PACRGL: variants seen among roughly 807,000 people sequenced by gnomAD.
PACRGL encodes parkin coregulated like, also known as PACRG-like protein.
A neutral mutation model predicts 34.5 loss-of-function variants in PACRGL; 38 were observed. That is an observed-to-expected ratio of 1.10 (90% CI 0.85 to 1.44). PACRGL has a LOEUF of 1.44. PACRGL is among the 40% of genes most tolerant of loss of function. PACRGL has a pLI of 0.00. For missense variants in PACRGL, 305 were observed against 281.4 expected, an observed-to-expected ratio of 1.08 and a Z score of -0.60; for synonymous variants, 128 against 100.1, an observed-to-expected ratio of 1.28 and a Z score of -1.66.
intron 3 of PACRGL, 99 bp downstream of exon 3, chr4:20,704,913 A>T: frequency 7.4e-7 from 1 of 1,351,942 alleles, no homozygotes; most frequent in South Asian, 1.3e-5. Flanking sequence ...TCCCTTTGCT[A>T]GTTTTGAGCT....
At chr4:20,742,656 A>C (rs967716114) in intron 8 of PACRGL, among the ~76,000 whole-genome samples, 2 of 152,190 alleles carry the variant, frequency 1.3e-5, no homozygotes, top group Non-Finnish European at 2.9e-5. Flanking sequence ...AACTGGCACA[A>C]GACAGGGATG....
the PACRGL span, chr4:20,767,132 G>A: frequency 6.6e-6 from 1 of 152,178 alleles, no homozygotes; most frequent in Non-Finnish European, 1.5e-5. Context: ...TAACATCAAT[G>A]CCGATAGACC....
chr4:20,755,153 A>T (rs1754280783), downstream of PACRGL, among the ~76,000 whole-genome samples: 1 of 152,154 alleles, frequency 6.6e-6, no homozygotes, highest in Non-Finnish European at 1.5e-5. Flanking sequence ...ATGGGGTGGG[A>T]GAGTTGTCAT....
At chr4:20,711,150 T>A (rs1736984656) in intron 5 of PACRGL, among the ~76,000 whole-genome samples, 1 of 151,902 alleles carries the variant, frequency 6.6e-6, no homozygotes, top group South Asian at 2.1e-4. Flanking sequence ...TTAAACCAGG[T>A]AGCAAACCAT....
intron 8 of PACRGL, among the ~76,000 whole-genome samples, chr4:20,741,023 T>C (rs1038683934): frequency 1.1e-4 from 16 of 152,310 alleles, no homozygotes; most frequent in Admixed American, 5.2e-4. Flanking sequence ...AAGAGCTAAC[T>C]ATCCTAAATA....
At chr4:20,753,929 CATT>C (rs1754072778), downstream of PACRGL, among the ~76,000 whole-genome samples, 2 of 152,066 alleles carry the variant, frequency 1.3e-5, no homozygotes, top group African/African-American at 2.4e-5. Context: ...TTCATTCATT[CATT>C]CATTCAACAA....
chr4:20,744,497 C>T (rs2149318120), intron 8 of PACRGL, among the ~76,000 whole-genome samples: 1 of 152,140 alleles, frequency 6.6e-6, no homozygotes. Flanking sequence ...AACCATCACT[C>T]TCAGCAAACT....
downstream of PACRGL, among the ~76,000 whole-genome samples, chr4:20,734,931 C>G (rs1208153564): frequency 9.9e-5 from 15 of 152,012 alleles, no homozygotes; most frequent in Non-Finnish European, 2.2e-4. Flanking sequence ...TTTTCATATT[C>G]TAATTGGAAA....
At chr4:20,760,676 G>T in the PACRGL span, among the ~76,000 whole-genome samples, 1 of 152,152 alleles carries the variant, frequency 6.6e-6, no homozygotes, top group Non-Finnish European at 1.5e-5. Flanking sequence ...GAGGTGCTGA[G>T]TGGCAAAGCA....
At chr4:20,704,406 T>A in intron 1 of PACRGL, 60 bp from the exon 2 acceptor site, 1 of 1,499,106 alleles carries the variant, frequency 6.7e-7, no homozygotes, top group Non-Finnish European at 9.2e-7. Flanking sequence ...GTCTTTTTAT[T>A]GATAACAAAT....
chr4:20,732,637 T>C, downstream of PACRGL: 2 of 1,281,908 alleles, frequency 1.6e-6, no homozygotes, highest in Middle Eastern at 3.7e-4. Flanking sequence ...TCAGGAAATT[T>C]TCTCCTAACT....
chr4:20,729,474 A>AT lies in PACRGL; in HGVS notation c.*2138dup, dbSNP rs1747256444. 8.4e-6 allele frequency: 1 copy of AT among 118,420 alleles called. No homozygotes were observed. The highest frequency in any genetic ancestry group is 2.0e-4 in the East Asian group (1 of 5,030). The allele number at this position is 118,420 out of a possible 1,614,324, so 7.3% of individuals were successfully genotyped here. A position where few individuals can be genotyped will look rare whatever the true frequency, so the allele number is the denominator to read the frequency against. On this transcript the variant is annotated 3_prime_UTR_variant, in exon 9 of 9. Coordinates refer to ENST00000503585, the MANE Select transcript of PACRGL (RefSeq NM_001258345.3). ...TATGCTGATATCTGATAATAAACTA[A>AT]TTTTTAAATGTTTAATAATTTTTAA... is the stretch of plus-strand genomic sequence containing the variant.
chr4:20,739,139 T>C (rs1477568022), intron 8 of PACRGL, among the ~76,000 whole-genome samples: 7 of 152,210 alleles, frequency 4.6e-5, no homozygotes, highest in Admixed American at 6.5e-5. Context: ...CCTGCCTCTG[T>C]AGATGCCACC....
Position 20,731,830 on chromosome 4 carries a change from T to C in PACRGL, c.*4489T>C, listed in dbSNP as rs1748317167. The C allele has an allele frequency of 1.0e-6, 1 of 985,298 alleles. No individual in the cohort carries two copies. Among genetic ancestry groups the C allele is most frequent in the Non-Finnish European group, 1.2e-6 (1 of 829,934 alleles). The allele number at this position is 985,298 out of a possible 1,614,324, so 61.0% of individuals were successfully genotyped here. ...CTGACTCAGTGGGCACTCTAAATGT[T>C]GATTATGTAATTGGTGCTTGTTTTC... On this transcript the variant is annotated 3_prime_UTR_variant, in exon 9 of 9. Coordinates refer to ENST00000503585, the MANE Select transcript of PACRGL (RefSeq NM_001258345.3).
At chr4:20,705,223 A>C (rs1332477160) in intron 3 of PACRGL, among the ~76,000 whole-genome samples, 1 of 152,198 alleles carries the variant, frequency 6.6e-6, no homozygotes, top group Non-Finnish European at 1.5e-5. Flanking sequence ...TCCTAGTTGT[A>C]GTACTAACCT....
chr4:20,699,612 C>A (rs1166035819), upstream of PACRGL, among the ~76,000 whole-genome samples: 1 of 152,166 alleles, frequency 6.6e-6, no homozygotes, highest in Non-Finnish European at 1.5e-5. Context: ...GATTACACAG[C>A]CTCGAGTGCT....
chr4:20,750,250 A>G (rs1269531343), intron 8 of PACRGL, among the ~76,000 whole-genome samples: 2 of 152,202 alleles, frequency 1.3e-5, no homozygotes, highest in African/African-American at 4.8e-5. Context: ...GAAGGAGTAA[A>G]TCTGGGACAT....
intron 7 of PACRGL, among the ~76,000 whole-genome samples, chr4:20,722,301 G>T (rs1201804271): frequency 1.3e-5 from 2 of 152,178 alleles, no homozygotes; most frequent in African/African-American, 4.8e-5. Flanking sequence ...GCCCTGCTTC[G>T]GCTCACACTT....
chr4:20,729,891 T>G lies in PACRGL; in HGVS notation c.*2550T>G. ...GACCATCCCCTGAACTCAGTGGCAT[T>G]ATGAAAAGGATGCAAATTTATAACT... On this transcript the variant is annotated 3_prime_UTR_variant, in exon 9 of 9. Transcript: ENST00000503585. The G allele has an allele frequency of 1.9e-6, 1 of 528,666 alleles. No individual in the cohort carries two copies. Among genetic ancestry groups the G allele is most frequent in the Non-Finnish European group, 3.2e-6 (1 of 317,258 alleles). The allele number at this position is 528,666 out of a possible 1,614,324, so 32.7% of individuals were successfully genotyped here.
Sources: gnomAD v4.1 joint callset for allele counts (sites outside exome capture counted in the v4.1 genomes callset) on GRCh38, gnomAD v4.1.1 for gene constraint, MANE v1.5 for transcripts, NCBI Gene and HGNC (gene_info 2026-07-23, HGNC 2026-07-21) for gene names.